Variants in ZNF678 observed in about 807,000 individuals in gnomAD.
The protein encoded by ZNF678 is hypothetical protein MGC42493.
ZNF678 carries 5 observed loss-of-function variants against 3.0 expected under a neutral mutation model. The ratio of observed to expected loss-of-function variants is 1.69; its 90% confidence interval spans 0.88 to 3.56. ZNF678 has a LOEUF of 3.56. Among genes scored for constraint, ZNF678 ranks in the 30% most tolerant of loss-of-function variants. The pLI is 0.00. For missense variants in ZNF678, 593 were observed against 605.0 expected, an observed-to-expected ratio of 0.98 and a Z score of 0.21; for synonymous variants, 218 against 199.6, an observed-to-expected ratio of 1.09 and a Z score of -0.78.
intron 5 of ZNF678, among the ~76,000 whole-genome samples, chr1:227,670,133 G>A (rs1409977373): frequency 1.3e-5 from 2 of 152,174 alleles, no homozygotes; most frequent in African/African-American, 4.8e-5. Context: ...CTTAGAAGTG[G>A]AAGATAAACA....
At chr1:227,678,308 C>T (rs1659716963), downstream of ZNF678, among the ~76,000 whole-genome samples, 1 of 152,176 alleles carries the variant, frequency 6.6e-6, no homozygotes, top group African/African-American at 2.4e-5. Flanking sequence ...TAAGGGACTA[C>T]ACTGTATGTT....
chr1:227,602,701 C>G (rs992434030), intron 1 of ZNF678, among the ~76,000 whole-genome samples: 1 of 152,194 alleles, frequency 6.6e-6, no homozygotes, highest in African/African-American at 2.4e-5. Flanking sequence ...CTCTAAGCAT[C>G]CTTCCTCCTC....
intron 1 of ZNF678, among the ~76,000 whole-genome samples, chr1:227,597,977 G>A (rs184384368): frequency 2.0e-5 from 3 of 152,250 alleles, no homozygotes; most frequent in East Asian, 1.9e-4. Context: ...AAAAGTATAC[G>A]AGGGGAAAAA....
At chr1:227,606,268 G>A (rs1485550842) in intron 1 of ZNF678, among the ~76,000 whole-genome samples, 2 of 152,138 alleles carry the variant, frequency 1.3e-5, no homozygotes, top group Admixed American at 6.5e-5. Flanking sequence ...GGTGATGGTG[G>A]GGAGAAGGTC....
intron 1 of ZNF678, among the ~76,000 whole-genome samples, chr1:227,605,527 A>C (rs539842841): frequency 6.6e-5 from 10 of 152,234 alleles, no homozygotes; most frequent in African/African-American, 2.4e-4. Context: ...TGGAGGAAAC[A>C]TTTTTTTCAC....
At chr1:227,637,979 G>C (rs1475469803) in intron 1 of ZNF678, among the ~76,000 whole-genome samples, 5 of 152,072 alleles carry the variant, frequency 3.3e-5, no homozygotes, top group Non-Finnish European at 2.9e-5. Flanking sequence ...AGATAGTATG[G>C]GTGTCGAAGT....
intron 1 of ZNF678, among the ~76,000 whole-genome samples, chr1:227,602,143 G>T (rs554706387): frequency 6.6e-6 from 1 of 152,108 alleles, no homozygotes; most frequent in South Asian, 2.1e-4. Flanking sequence ...GTCTTCTGCT[G>T]GTTTTCAATA....
chr1:227,605,432 C>T (rs1233790171), intron 1 of ZNF678, among the ~76,000 whole-genome samples: 4 of 152,058 alleles, frequency 2.6e-5, no homozygotes, highest in Non-Finnish European at 4.4e-5. Flanking sequence ...TTTATCTTTT[C>T]GTATATGACT....
At chr1:227,618,414 C>T (rs149217302) in intron 1 of ZNF678, among the ~76,000 whole-genome samples, 50 of 152,272 alleles carry the variant, frequency 3.3e-4, no homozygotes, top group African/African-American at 1.2e-3. Flanking sequence ...ACCCAGATCA[C>T]GGTTGGCAGG....
At chr1:227,567,370 A>G (rs1034273750) in intron 1 of ZNF678, among the ~76,000 whole-genome samples, 5 of 152,214 alleles carry the variant, frequency 3.3e-5, no homozygotes, top group Non-Finnish European at 7.3e-5. Flanking sequence ...ACTGGAAAGT[A>G]GAAGTCTGAG....
chr1:227,590,999 C>G (rs986902800), intron 1 of ZNF678, among the ~76,000 whole-genome samples: 3 of 151,676 alleles, frequency 2.0e-5, no homozygotes, highest in Non-Finnish European at 4.4e-5. Context: ...AATTCTCGGG[C>G]TTCCTATGGC....
rs548776750 is a variant in ZNF678, at chr1:227,566,557, G to A, written c.-164+2833G>A. On this transcript the variant is annotated intron_variant, in intron 1 of 3. Coordinates refer to ENST00000343776, the MANE Select transcript of ZNF678 (RefSeq NM_001367909.1). ...TGAGCAGAATGAGGGGTGGGAGAAT[G>A]TCCCAAATTATAGGATAGCCTGACT... Among the ~76,000 whole-genome samples, 5 of 152,332 alleles carry A rather than the reference G, an allele frequency of 3.3e-5. No homozygotes were observed. The South Asian group carries it at 1.0e-3, about 32-fold the overall frequency.
chr1:227,578,112 G>A (rs1657032670), intron 1 of ZNF678, among the ~76,000 whole-genome samples: 1 of 152,156 alleles, frequency 6.6e-6, no homozygotes, highest in Non-Finnish European at 1.5e-5. Context: ...TCCACTTTTA[G>A]TCTGATGGGC....
chr1:227,596,031 A>G (rs1657577249), intron 1 of ZNF678, among the ~76,000 whole-genome samples: 1 of 152,214 alleles, frequency 6.6e-6, no homozygotes, highest in Non-Finnish European at 1.5e-5. Context: ...GACTCCAAGT[A>G]CTAGTTCCTT....
chr1:227,666,445 C>T (rs577485624), downstream of ZNF678, among the ~76,000 whole-genome samples: 5 of 152,196 alleles, frequency 3.3e-5, no homozygotes, highest in African/African-American at 9.6e-5. Context: ...CTATAGTCAG[C>T]GTTCACTAAT....
rs934253112 is a variant in ZNF678, at chr1:227,660,502, A to G, written c.*4674A>G. 1.3e-4 allele frequency: 20 copies of G among 152,038 alleles called. No homozygotes were observed. The highest frequency in any genetic ancestry group is 4.3e-4 in the African/African-American group (18 of 41,522). The allele number at this position is 152,038 out of a possible 1,614,324, so 9.4% of individuals were successfully genotyped here. ...CTTTCTGTAACTATTGCAGGTGTCA[A>G]TTGTTTTCTTTATTTCTTTTTCAGA... On this transcript the variant is annotated 3_prime_UTR_variant, in exon 4 of 4. Transcript: ENST00000343776.
chr1:227,663,673 A>G (rs1485218049), downstream of ZNF678, among the ~76,000 whole-genome samples: 1 of 152,174 alleles, frequency 6.6e-6, no homozygotes. Flanking sequence ...AGCAACAGAA[A>G]AATGTCTTCT....
intron 3 of ZNF678, among the ~76,000 whole-genome samples, 166 bp downstream of exon 3, chr1:227,651,242 T>C (rs1382864250): frequency 6.6e-6 from 1 of 152,156 alleles, no homozygotes; most frequent in Non-Finnish European, 1.5e-5. Context: ...TTCTGTCTTA[T>C]TCCTTGGCCA....
intron 1 of ZNF678, 140 bp from the exon 2 acceptor site, chr1:227,646,404 G>A (rs1025011916): frequency 5.9e-5 from 44 of 752,066 alleles, no homozygotes; most frequent in Middle Eastern, 2.8e-4. Flanking sequence ...ATGCATTCGA[G>A]AATCTTTGTG....
Sources: allele counts gnomAD v4.1 joint callset (sites outside exome capture counted in the v4.1 genomes callset), GRCh38; gene constraint gnomAD v4.1.1; transcripts MANE v1.5; gene names NCBI Gene and HGNC (gene_info 2026-07-23, HGNC 2026-07-21).